The following BANK1 variants were observed in gnomAD, a reference collection of about 807,000 sequenced individuals.
BANK1 encodes B cell scaffold protein with ankyrin repeats 1.
BANK1 carries 95 observed loss-of-function variants against 94.5 expected under a neutral mutation model. That is an observed-to-expected ratio of 1.00 (90% CI 0.85 to 1.19). The LOEUF (loss-of-function observed/expected upper bound fraction) is 1.19. BANK1 is among the 50% of genes most tolerant of loss of function. The probability of loss-of-function intolerance (pLI) is 0.00; values close to 1 mark genes in which losing one functional copy is unlikely to be tolerated. For missense variants in BANK1, 987 were observed against 932.2 expected, an observed-to-expected ratio of 1.06 and a Z score of -0.77; for synonymous variants, 334 against 308.4, an observed-to-expected ratio of 1.08 and a Z score of -0.87.
intron 11 of BANK1, among the ~76,000 whole-genome samples, chr4:102,048,382 A>AT (rs1273106635): frequency 2.0e-5 from 3 of 152,196 alleles, no homozygotes; most frequent in Non-Finnish European, 4.4e-5. Flanking sequence ...ATAGCTAACA[A>AT]GGTTGATTTC....
At chr4:102,004,449 T>G (rs941374024) in intron 7 of BANK1, among the ~76,000 whole-genome samples, 1 of 152,204 alleles carries the variant, frequency 6.6e-6, no homozygotes, top group Non-Finnish European at 1.5e-5. Context: ...GTCAAAAATA[T>G]AACTTCTATA....
In BANK1 at chr4:101,970,217, G is replaced by A. The variant is rs180919592; in HGVS notation, c.1207-51297G>A. On this transcript the variant is annotated intron_variant, in intron 7 of 16. Transcript: ENST00000322953. ...GAGGACTGTTGTGAAGATTCGAGGC[G>A]CTGGCGCATAGTACGGATTCAATAG... 9.2e-5 allele frequency among the ~76,000 whole-genome samples: 14 copies of A among 152,206 alleles called. No homozygotes were observed. In the East Asian group the frequency reaches 1.9e-3, roughly 21 times the overall value.
In BANK1 at chr4:102,012,351, A is replaced by G. The variant is rs560670146; in HGVS notation, c.1207-9163A>G. 2.6e-5 allele frequency among the ~76,000 whole-genome samples: 4 copies of G among 151,364 alleles called. No individual in the cohort carries two copies. The South Asian group carries it at 8.4e-4, about 32-fold the overall frequency. ...TGTTTTCACTGAATTTACAATTCACATTTTCCGTTTTTAGGTCTTTTATGT... is the reference window on the plus strand; with the variant it reads ...TGTTTTCACTGAATTTACAATTCACGTTTTCCGTTTTTAGGTCTTTTATGT... On this transcript the variant is annotated intron_variant, in intron 7 of 16. Transcript: ENST00000322953.
intron 11 of BANK1, among the ~76,000 whole-genome samples, chr4:102,057,221 GCTCTCT>G (rs374385213): frequency 2.8e-5 from 4 of 144,362 alleles, no homozygotes; most frequent in Admixed American, 6.9e-5. Flanking sequence ...ACTAGTTCTC[GCTCTCT>G]CTCTCTCTCT....
At chr4:101,807,736 G>C (rs1055067831) in intron 1 of BANK1, among the ~76,000 whole-genome samples, 1 of 152,076 alleles carries the variant, frequency 6.6e-6, no homozygotes, top group Non-Finnish European at 1.5e-5. Context: ...GGCACAACAA[G>C]GTTCATTATT....
intron 7 of BANK1, among the ~76,000 whole-genome samples, chr4:101,933,540 G>C (rs1436973188): frequency 6.6e-6 from 1 of 151,428 alleles, no homozygotes; most frequent in East Asian, 2.0e-4. Context: ...CTCTTCACAA[G>C]TATATCATCA....
chr4:102,060,413 G>T, intron 12 of BANK1, 24 bp downstream of exon 12: 1 of 1,580,682 alleles, frequency 6.3e-7, no homozygotes, highest in South Asian at 1.2e-5. Context: ...AGTGTTTTCT[G>T]GGACATTCCC....
intron 5 of BANK1, among the ~76,000 whole-genome samples, chr4:101,889,905 G>T (rs1030597659): frequency 6.6e-6 from 1 of 152,010 alleles, no homozygotes; most frequent in Non-Finnish European, 1.5e-5. Flanking sequence ...ATTCTGTTCA[G>T]AGTTTCCTTT....
At chr4:101,805,239 A>T (rs1016339032) in intron 1 of BANK1, among the ~76,000 whole-genome samples, 1 of 152,194 alleles carries the variant, frequency 6.6e-6, no homozygotes, top group Non-Finnish European at 1.5e-5. Context: ...TATTGTTGAA[A>T]TATTTTTCTA....
At chr4:102,051,760 T>C (rs996820515) in intron 11 of BANK1, among the ~76,000 whole-genome samples, 2 of 152,188 alleles carry the variant, frequency 1.3e-5, no homozygotes, top group Admixed American at 6.5e-5. Flanking sequence ...TCCATATACA[T>C]GCAGAAAATA....
chr4:102,044,131 C>T (rs1309319477), intron 11 of BANK1, among the ~76,000 whole-genome samples: 1 of 152,106 alleles, frequency 6.6e-6, no homozygotes, highest in Admixed American at 6.6e-5. Flanking sequence ...GCTGCACCCA[C>T]TAACTTGTCA....
chr4:101,865,017 A>G (rs765392487), intron 4 of BANK1, among the ~76,000 whole-genome samples: 5 of 152,138 alleles, frequency 3.3e-5, no homozygotes, highest in Non-Finnish European at 4.4e-5. Flanking sequence ...GGGAAGAGGA[A>G]TTCTGGCTTC....
At chr4:101,806,947 C>A (rs921036329) in intron 1 of BANK1, among the ~76,000 whole-genome samples, 1 of 152,114 alleles carries the variant, frequency 6.6e-6, no homozygotes, top group Non-Finnish European at 1.5e-5. Flanking sequence ...TACCCTAACC[C>A]AATATCAGAT....
chr4:101,904,475 C>G (rs779498955), intron 6 of BANK1, among the ~76,000 whole-genome samples: 2 of 152,154 alleles, frequency 1.3e-5, no homozygotes, highest in Non-Finnish European at 2.9e-5. Context: ...ATCTGTTAAC[C>G]ATTTTAAAGG....
At chr4:101,859,945 G>C (rs1358104346) in intron 3 of BANK1, among the ~76,000 whole-genome samples, 1 of 152,130 alleles carries the variant, frequency 6.6e-6, no homozygotes, top group Admixed American at 6.5e-5. Context: ...GATGGTTATG[G>C]ATATGCAGTG....
chr4:101,876,408 C>A (rs1445991079), intron 5 of BANK1, among the ~76,000 whole-genome samples: 2 of 152,204 alleles, frequency 1.3e-5, no homozygotes, highest in African/African-American at 2.4e-5. Flanking sequence ...GAGTCTCTGC[C>A]TGGTAATCCA....
rs1726537013 is a variant in BANK1, at chr4:101,829,885, C to T, written c.148C>T (p.His50Tyr). 1 of 1,612,464 alleles carries T rather than the reference C, an allele frequency of 6.2e-7. No individual in the cohort carries two copies. The change falls in exon 2 of 17, where the codon CAT (histidine) becomes TAT (tyrosine). Residue 50 changes from histidine to tyrosine, a missense_variant. His to Tyr is a moderately conservative substitution (Grantham distance 83, BLOSUM62 2). Coordinates refer to ENST00000322953, the MANE Select transcript of BANK1 (RefSeq NM_017935.5). ...TCTGTACTTGACAGAAGTATTTTTA[C>T]ATGTTGTGAAAAGGGAAGCCATCCT... Reference protein sequence around the residue: ...WALYLTEVFLHVVKREAILLY... With the variant: ...WALYLTEVFLYVVKREAILLY...
At chr4:102,051,799 G>A (rs1021035379) in intron 11 of BANK1, among the ~76,000 whole-genome samples, 1 of 152,158 alleles carries the variant, frequency 6.6e-6, no homozygotes, top group Non-Finnish European at 1.5e-5. Flanking sequence ...GGGGGTAGGA[G>A]GGTAATGCTA....
At chr4:102,016,128 G>A (rs1300862820) in intron 7 of BANK1, among the ~76,000 whole-genome samples, 1 of 152,166 alleles carries the variant, frequency 6.6e-6, no homozygotes, top group Non-Finnish European at 1.5e-5. Context: ...TTAAGACTCA[G>A]ATTTAATATC....
Sources: allele counts gnomAD v4.1 joint callset (sites outside exome capture counted in the v4.1 genomes callset), GRCh38; gene constraint gnomAD v4.1.1; transcripts MANE v1.5; gene names NCBI Gene and HGNC (gene_info 2026-07-23, HGNC 2026-07-21).